The following ZIC3 variants were observed in gnomAD, a reference collection of about 807,000 sequenced individuals.
ZIC3 encodes the protein Zic family zinc finger 3.
ZIC3 carries 6 observed loss-of-function variants against 18.3 expected under a neutral mutation model. The ratio of observed to expected loss-of-function variants is 0.33; its 90% CI spans 0.18 to 0.65. The LOEUF is 0.65. Ranked by LOEUF, ZIC3 falls within the 30% of genes least tolerant of loss-of-function variation. The pLI, the probability that ZIC3 is intolerant of heterozygous loss-of-function variation, is 0.75. For synonymous variants in ZIC3, 175 were observed against 177.0 expected, an observed-to-expected ratio of 0.99 and a Z score of 0.09; for missense variants, 260 against 410.0, an observed-to-expected ratio of 0.63 and a Z score of 3.16.
intron 1 of ZIC3, 32 bp downstream of exon 1, chrX:137,567,783 C>T (rs1451700906): frequency 8.3e-7 from 1 of 1,211,599 alleles, no homozygotes; most frequent in Non-Finnish European, 1.1e-6. Context: ...GCGTGGGTTC[C>T]ACTGGCGATA....
intron 1 of ZIC3, 33 bp downstream of exon 1, chrX:137,567,784 A>G: frequency 1.7e-6 from 2 of 1,211,470 alleles, no homozygotes; most frequent in Non-Finnish European, 2.2e-6. Context: ...CGTGGGTTCC[A>G]CTGGCGATAC....
At position 137,568,343 on chromosome X, in the gene ZIC3, T is replaced by TCG. The variant is rs1569346056; in HGVS notation, c.1061-559_1061-558insCG. ...CTGGAGCCCCCTGGATCGATCGATC[T>TCG]ATCTATCTATCTATCTATCTATCTA... On this transcript the variant is annotated intron_variant, in intron 1 of 2. Transcript: ENST00000287538. 4.1e-3 allele frequency among the ~76,000 whole-genome samples: 308 copies of TCG among 75,169 alleles called. 2 individuals are homozygous for TCG. The highest frequency in any genetic ancestry group is 9.1e-3 in the African/African-American group (173 of 18,919). 65.3% of individuals were successfully genotyped at this position (75,169 alleles called of 115,157 possible).
At position 137,566,511 on chromosome X, in the gene ZIC3, TC is replaced by T; in HGVS notation, c.-178del. On this transcript the variant is annotated 5_prime_UTR_variant, in exon 1 of 3. Coordinates refer to ENST00000287538, the MANE Select transcript of ZIC3 (RefSeq NM_003413.4). ...CTCTTTCTTCCCCTCCTCCCTCCTA[TC>T]CCTCTGCAGGAGACTCTTGCAGTGA... 4.9e-6 allele frequency: 2 copies of T among 411,350 alleles called. No individual in the cohort carries two copies. The highest frequency in any genetic ancestry group is 3.5e-6 in the Non-Finnish European group (1 of 285,045). 33.9% of individuals were successfully genotyped at this position (411,350 alleles called of 1,213,427 possible). A position where few individuals can be genotyped will look rare whatever the true frequency, so the allele number is the denominator to read the frequency against.
chrX:137,569,292 T>G (rs1486406620), intron 2 of ZIC3, among the ~76,000 whole-genome samples: 1 of 110,965 alleles, frequency 9.0e-6, no homozygotes, highest in Admixed American at 9.5e-5. Context: ...GAACAATCGG[T>G]TGTTTACTGG....
chrX:137,573,765 A>C (rs940132753), downstream of ZIC3: 1 of 113,002 alleles, frequency 8.8e-6, no homozygotes, highest in African/African-American at 3.2e-5. Context: ...GCCGGGGCGG[A>C]GGCGGCGAGG....
At chrX:137,572,927 G>A (rs1295967030), downstream of ZIC3, among the ~76,000 whole-genome samples, 3 of 110,714 alleles carry the variant, frequency 2.7e-5, no homozygotes, top group Non-Finnish European at 5.7e-5. Flanking sequence ...GAATATAAAA[G>A]TTTTGCCCCT....
rs1931429555 is a variant in ZIC3 at position 137,571,020 on chromosome X, ACT to A, written c.*954_*955del. 1 of 111,116 alleles carries A rather than the reference ACT, an allele frequency of 9.0e-6. No homozygotes were observed. Among genetic ancestry groups the A allele is most frequent in the Non-Finnish European group, 1.9e-5 (1 of 52,793 alleles). 9.2% of individuals were successfully genotyped at this position (111,116 alleles called of 1,213,427 possible). ...ACAGTGTCAGTTTCCATCTGGGAAG[ACT>A]CTCCTTTCTTTATCTCTATCTCAGA... On this transcript the variant is annotated 3_prime_UTR_variant, in exon 3 of 3. Coordinates refer to ENST00000287538, the MANE Select transcript of ZIC3 (RefSeq NM_003413.4).
chrX:137,566,833 G>A lies in ZIC3; in HGVS notation c.142G>A (p.Ala48Thr), dbSNP rs1241955958. The change falls in exon 1 of 3, where the codon GCC becomes ACC. Residue 48 changes from alanine (A) to threonine (T), a missense_variant. This residue lies in a region of ZIC3 where 183 missense variants were observed against 223.8 expected (regional missense o/e 0.82). Transcript: ENST00000287538. Reference protein sequence around the residue: ...NPFGDSTHAAAAAAAAAAFKL... With the variant: ...NPFGDSTHAATAAAAAAAFKL... ...CTTCGGGGACTCAACCCACGCCGCC[G>A]CCGCCGCCGCCGCCGCCGCTGCCTT... 8.6e-7 allele frequency: 1 copy of A among 1,159,009 alleles called. No individual in the cohort carries two copies. The highest frequency in any genetic ancestry group is 3.3e-5 in the East Asian group (1 of 30,557).
In ZIC3 at chrX:137,567,177, T is replaced by G; in HGVS notation, c.486T>G (p.Phe162Leu). ...CCGAGCCCCCTAGCTACTTGCTGTT[T>G]CCCGGGCTGCATGAGCAGGGCGCTG... ...GIPEPPSYLL[F>L]PGLHEQGAGH... Residue 162 changes from phenylalanine (F) to leucine (L), a missense_variant, in exon 1 of 3, where the codon TTT (phenylalanine) becomes TTG (leucine). By Grantham distance (22) the Phe-to-Leu change is conservative (BLOSUM62 0). This residue lies in a region of ZIC3 where 183 missense variants were observed against 223.8 expected (regional missense o/e 0.82). Transcript: ENST00000287538. 9 of 1,208,096 alleles carry G rather than the reference T, an allele frequency of 7.4e-6. No homozygotes were observed. Among genetic ancestry groups the G allele is most frequent in the Non-Finnish European group, 9.0e-6 (8 of 893,267 alleles).
chrX:137,566,614 G>C lies in ZIC3; in HGVS notation c.-78G>C. ...ACCGCCGCCACCCCTTTCCGACTAC[G>C]GCACTTCGGAGATCTCCTCCTTCGC... is the stretch of plus-strand genomic sequence containing the variant. On this transcript the variant is annotated 5_prime_UTR_variant, in exon 1 of 3. Coordinates refer to ENST00000287538, the MANE Select transcript of ZIC3 (RefSeq NM_003413.4). 1.0e-5 allele frequency: 12 copies of C among 1,162,275 alleles called. No homozygotes were observed. The highest frequency in any genetic ancestry group is 2.9e-4 in the Middle Eastern group (1 of 3,505).
downstream of ZIC3, among the ~76,000 whole-genome samples, chrX:137,574,935 C>T (rs373411530): frequency 3.6e-4 from 41 of 112,407 alleles, no homozygotes; most frequent in African/African-American, 1.2e-3. Context: ...CGAAGAAGTT[C>T]TTCCTGGGCA....
At chrX:137,569,136 C>T (rs918323501) in intron 2 of ZIC3, 71 bp downstream of exon 2, 14 of 1,155,671 alleles carry the variant, frequency 1.2e-5, no homozygotes, top group Non-Finnish European at 1.7e-5. Flanking sequence ...GGAACGGAAG[C>T]GCCCGCGCTG....
downstream of ZIC3, chrX:137,576,977 G>A (rs1338479994): frequency 4.6e-5 from 19 of 414,017 alleles, no homozygotes; most frequent in Non-Finnish European, 6.8e-5. Context: ...AATTTGAGGT[G>A]TTAAAAATAA....
At chrX:137,569,286 A>C (rs185931408) in intron 2 of ZIC3, among the ~76,000 whole-genome samples, 1 of 111,042 alleles carries the variant, frequency 9.0e-6, no homozygotes, top group East Asian at 2.9e-4. Flanking sequence ...CGGAGGGAAC[A>C]ATCGGTTGTT....
At chrX:137,573,115 C>T (rs1931460569), downstream of ZIC3, among the ~76,000 whole-genome samples, 1 of 85,095 alleles carries the variant, frequency 1.2e-5, no homozygotes, top group East Asian at 3.8e-4. Flanking sequence ...AGTAAACAAC[C>T]TTAGAGAGTA....
At chrX:137,577,239 G>T (rs1422853211) in exon 3 of ZIC3, 1 of 518,184 alleles carries the variant, frequency 1.9e-6, no homozygotes, top group African/African-American at 2.3e-5. Context: ...CAGGGTTAAT[G>T]CCGAACCTAC....
chrX:137,573,148 AAAAAAAAAAAAAC>A (rs1243294995), downstream of ZIC3, among the ~76,000 whole-genome samples: 54 of 55,868 alleles, frequency 9.7e-4, no homozygotes, highest in Non-Finnish European at 1.7e-3. Flanking sequence ...AAAAAAAAAA[AAAAAAAAAAAAAC>A]CAAACAAACC....
Position 137,567,294 on chromosome X carries a change from A to G in ZIC3, c.603A>G (p.Pro201=). 8.3e-7 allele frequency: 1 copy of G among 1,211,571 alleles called. No individual in the cohort carries two copies. Among genetic ancestry groups the G allele is most frequent in the East Asian group, 3.0e-5 (1 of 33,832 alleles). ...TCGGCCGTGCTGACCCATACCGCCC[A>G]GTGGCCAGCCCGCGCACGGACCCCT... ...ELFGRADPYR[P]VASPRTDPYA... The change falls in exon 1 of 3, where the codon CCA becomes CCG. Residue 201 remains proline (P), a synonymous_variant. Transcript: ENST00000287538.
At chrX:137,568,835 C>A in intron 1 of ZIC3, 67 bp from the exon 2 acceptor site, 1 of 1,170,330 alleles carries the variant, frequency 8.5e-7, no homozygotes, top group African/African-American at 1.8e-5. Flanking sequence ...CAGTCTCCTG[C>A]TGCTTGCCTC....
Sources: gnomAD v4.1 joint callset for allele counts (sites outside exome capture counted in the v4.1 genomes callset) on GRCh38, gnomAD v4.1.1 for gene constraint, gnomAD v4.1.1 regional missense constraint, MANE v1.5 for transcripts, NCBI Gene and HGNC (gene_info 2026-07-23, HGNC 2026-07-21) for gene names.